The following C13orf42 variants were observed in gnomAD, a reference collection of about 807,000 sequenced individuals.
C13orf42 encodes chromosome 13 open reading frame 42, also known as uncharacterized protein C13orf42.
At chr13:51,150,995 C>G (rs1005751899) in intron 1 of C13orf42, among the ~76,000 whole-genome samples, 1 of 152,156 alleles carries the variant, frequency 6.6e-6, no homozygotes, top group African/African-American at 2.4e-5. Flanking sequence ...TCTTCAGAAC[C>G]CCCCTGGCCT....
intron 1 of C13orf42, among the ~76,000 whole-genome samples, chr13:51,157,172 G>C (rs7985224): frequency 6.6e-6 from 1 of 152,142 alleles, no homozygotes; most frequent in African/African-American, 2.4e-5. Context: ...GGTGGCTGCC[G>C]CCTGTAATCC....
chr13:51,140,332 T>C (rs1953686790), intron 1 of C13orf42, among the ~76,000 whole-genome samples: 1 of 152,240 alleles, frequency 6.6e-6, no homozygotes, highest in Non-Finnish European at 1.5e-5. Context: ...AGCTGTGCCC[T>C]GACCACCTTC....
intron 1 of C13orf42, among the ~76,000 whole-genome samples, chr13:51,129,790 CTTAG>C (rs1468972287): frequency 6.6e-6 from 1 of 152,096 alleles, no homozygotes; most frequent in Non-Finnish European, 1.5e-5. Flanking sequence ...AGAGGGGTAC[CTTAG>C]GATAGAACAT....
chr13:51,157,603 T>G (rs1953834519), intron 1 of C13orf42, among the ~76,000 whole-genome samples: 1 of 152,202 alleles, frequency 6.6e-6, no homozygotes, highest in Non-Finnish European at 1.5e-5. Flanking sequence ...CTTGCCTTCT[T>G]CTGCCATGCA....
chr13:51,143,422 C>T (rs1046567985), intron 1 of C13orf42, among the ~76,000 whole-genome samples: 2 of 151,944 alleles, frequency 1.3e-5, no homozygotes, highest in Non-Finnish European at 2.9e-5. Context: ...GTCAGATTAA[C>T]AAGGTTTTCT....
At chr13:51,170,316 G>A (rs9316524) in intron 1 of C13orf42, among the ~76,000 whole-genome samples, 33,920 of 152,146 alleles carry the variant, frequency 0.22, 3,851 homozygotes, top group East Asian at 0.26. Context: ...CGCGCATGAA[G>A]TTTGGTGCCA....
intron 3 of C13orf42, 72 bp downstream of exon 3, chr13:51,085,247 C>A (rs1472835633): frequency 2.6e-6 from 1 of 391,558 alleles, no homozygotes; most frequent in Non-Finnish European, 4.5e-6. Context: ...GCTGGAGGCA[C>A]CTTAAGGATC....
chr13:51,169,258 T>C (rs1430179988), intron 1 of C13orf42, among the ~76,000 whole-genome samples: 1 of 152,196 alleles, frequency 6.6e-6, no homozygotes, highest in African/African-American at 2.4e-5. Context: ...GACAGTGCTA[T>C]GGACAACGAA....
Position 51,085,474 on chromosome 13 carries a change from G to A in C13orf42, c.648C>T (p.His216=). 4 of 398,646 alleles carry A rather than the reference G, an allele frequency of 1.0e-5. No homozygotes were observed. The Admixed American group carries it at 1.8e-4, about 18-fold the overall frequency. The allele number at this position is 398,646 out of a possible 1,614,324, so 24.7% of individuals were successfully genotyped here. A position where few individuals can be genotyped will look rare whatever the true frequency, so the allele number is the denominator to read the frequency against. ...PRRHSEDIAA[H]TVHTVDGQFR... ...ACTGGCCGTCTACAGTATGCACAGT[G>A]TGGGCAGCGATATCCTCGGAGTGTC... The change falls in exon 3 of 4, where the codon CAC becomes CAT. Residue 216 remains histidine, a synonymous_variant. Transcript: ENST00000563710.
chr13:51,135,652 C>CA (rs34030293), intron 1 of C13orf42, among the ~76,000 whole-genome samples: 1,749 of 140,158 alleles, frequency 0.012, 20 homozygotes, highest in Non-Finnish European at 0.014. Flanking sequence ...GACCCTGTCC[C>CA]AAAAAAAAAA....
In C13orf42 at chr13:51,086,059, C is replaced by G. The variant is rs1011360987; in HGVS notation, c.563-500G>C. On this transcript the variant is annotated intron_variant, in intron 2 of 3. Coordinates refer to ENST00000563710, the MANE Select transcript of C13orf42 (RefSeq NM_001351589.3). ...TGGTGGCTCACACCTGTAATCCCAA[C>G]ACTTTGGGAGGCTGAGGCATGTGGA... Among the ~76,000 whole-genome samples, 4 of 151,902 alleles carry G rather than the reference C, an allele frequency of 2.6e-5. No individual in the cohort carries two copies. In the East Asian group the frequency reaches 7.8e-4, roughly 29 times the overall value.
intron 1 of C13orf42, among the ~76,000 whole-genome samples, chr13:51,127,013 C>G (rs535034096): frequency 2.0e-5 from 3 of 151,898 alleles, no homozygotes; most frequent in Non-Finnish European, 4.4e-5. Context: ...AAAAGAAATA[C>G]AAAAAGAGCT....
rs778130075 is a variant in C13orf42, at chr13:51,085,419, C to T, written c.703G>A (p.Gly235Ser). 2.5e-6 allele frequency: 1 copy of T among 398,478 alleles called. No individual in the cohort carries two copies. Among genetic ancestry groups the T allele is most frequent in the Non-Finnish European group, 4.4e-6 (1 of 226,082 alleles). The allele number at this position is 398,478 out of a possible 1,614,324, so 24.7% of individuals were successfully genotyped here. ...FRRSTEHRTV[G>S]TQRRLERHPI... ...TGCCTCTCGAGTCTCCTCTGAGTGC[C>T]CACGGTCCTGTGCTCGGTGCTCCTT... Residue 235 changes from glycine to serine, a missense_variant, in exon 3 of 4, where the codon GGC (glycine) becomes AGC (serine). By Grantham distance (56) the Gly-to-Ser change is moderately conservative (BLOSUM62 0). Coordinates refer to ENST00000563710, the MANE Select transcript of C13orf42 (RefSeq NM_001351589.3).
chr13:51,112,782 G>A (rs889242287), upstream of C13orf42, among the ~76,000 whole-genome samples: 7 of 152,144 alleles, frequency 4.6e-5, no homozygotes, highest in African/African-American at 1.4e-4. Context: ...TCAATCAGGC[G>A]AGTGCAGAAC....
intron 1 of C13orf42, among the ~76,000 whole-genome samples, chr13:51,155,645 C>T (rs1445894485): frequency 6.6e-6 from 1 of 152,248 alleles, no homozygotes; most frequent in Non-Finnish European, 1.5e-5. Context: ...ACCTCTCACA[C>T]TCGCTGCACA....
intron 1 of C13orf42, among the ~76,000 whole-genome samples, chr13:51,095,538 T>G (rs73483798): frequency 0.051 from 7,492 of 145,840 alleles, 316 homozygotes; most frequent in African/African-American, 0.13. Context: ...ACTTATTTGG[T>G]TTTTTTTTTA....
At position 51,099,576 on chromosome 13, in the gene C13orf42, G is replaced by A. The variant is rs116980527; in HGVS notation, c.414+11220C>T. Among the ~76,000 whole-genome samples the A allele has an allele frequency of 5.4e-4, 82 of 152,308 alleles. 3 individuals carry two copies. The East Asian group carries it at 0.011, about 21-fold the overall frequency. On this transcript the variant is annotated intron_variant, in intron 1 of 3. Coordinates refer to ENST00000563710, the MANE Select transcript of C13orf42 (RefSeq NM_001351589.3). ...TATCTTTTGTTTCTGGTAACAGGTT[G>A]TAGACTCACTGGATCCAACTAACAG...
chr13:51,136,995 G>A (rs1017153680), intron 1 of C13orf42, among the ~76,000 whole-genome samples: 2 of 152,158 alleles, frequency 1.3e-5, no homozygotes, highest in African/African-American at 2.4e-5. Context: ...GACATGTTGT[G>A]ACAGCTGGAG....
intron 1 of C13orf42, among the ~76,000 whole-genome samples, chr13:51,147,071 G>A (rs1040802040): frequency 1.3e-5 from 2 of 152,244 alleles, no homozygotes; most frequent in Non-Finnish European, 2.9e-5. Context: ...AAAGGTGGGG[G>A]CAGGCCAGGG....
Sources: gnomAD v4.1 joint callset for allele counts (sites outside exome capture counted in the v4.1 genomes callset) on GRCh38, gnomAD v4.1.1 for gene constraint, MANE v1.5 for transcripts, NCBI Gene and HGNC (gene_info 2026-07-23, HGNC 2026-07-21) for gene names.